The following GET1 variants were observed in gnomAD, a reference collection of about 807,000 sequenced individuals.
GET1 encodes congenital heart disease 5 protein.
In GET1, 20 loss-of-function variants were observed where a neutral mutation model predicts 22.6. That is an observed-to-expected ratio of 0.89 (90% CI 0.62 to 1.29). The LOEUF is 1.29. Among genes scored for constraint, GET1 ranks in the 50% most tolerant of loss-of-function variants. The pLI, the probability that GET1 is intolerant of heterozygous loss-of-function variation, is 0.00. For synonymous variants in GET1, 92 were observed against 83.8 expected (o/e 1.10, Z -0.53); for missense variants, 209 against 219.9 (o/e 0.95, Z 0.31).
chr21:39,411,943 A>G (rs2040155162), intron 1 of GET1: 2 of 540,062 alleles, frequency 3.7e-6, no homozygotes, highest in Admixed American at 6.8e-5. Context: ...AGGCCATATC[A>G]TCCTATACCA....
intron 1 of GET1, among the ~76,000 whole-genome samples, chr21:39,420,214 A>C (rs1189857129): frequency 6.6e-6 from 1 of 152,278 alleles, no homozygotes; most frequent in East Asian, 1.9e-4. Context: ...TATCTGAGAA[A>C]GATATTAATG....
chr21:39,406,258 G>A (rs2039055727), exon 5 of GET1: 1 of 1,614,166 alleles, frequency 6.2e-7, no homozygotes, highest in South Asian at 1.1e-5. Context: ...CATGTTGCCG[G>A]CATTGGCTGG....
chr21:39,388,827 T>C (rs779278007), intron 1 of GET1, among the ~76,000 whole-genome samples: 8 of 152,128 alleles, frequency 5.3e-5, no homozygotes, highest in Non-Finnish European at 1.0e-4. Context: ...GGCCGTTCCC[T>C]GGAGAGTGGA....
chr21:39,410,433 C>T, downstream of GET1: 1 of 833,922 alleles, frequency 1.2e-6, no homozygotes, highest in Non-Finnish European at 1.9e-6. Context: ...TGATTTTAAA[C>T]ATAAAATAAC....
chr21:39,411,184 A>C, downstream of GET1: 1 of 258,830 alleles, frequency 3.9e-6, no homozygotes, highest in Non-Finnish European at 7.7e-6. Flanking sequence ...TATTGTGACC[A>C]AAGGAAAGTC....
chr21:39,380,367 C>T lies in GET1; in HGVS notation c.-18C>T, dbSNP rs746508500. 3.1e-6 allele frequency: 5 copies of T among 1,587,670 alleles called. No individual in the cohort carries two copies. The South Asian group carries it at 4.5e-5, about 14-fold the overall frequency. ...TGGAGCTGCCGTAGCGGACCCAGCA[C>T]AGCCAGGAGCGTCCGGGATGAGCTC... On this transcript the variant is annotated 5_prime_UTR_variant, in exon 1 of 5. Coordinates refer to ENST00000649170, the MANE Select transcript of GET1 (RefSeq NM_004627.6).
At chr21:39,386,667 GT>G (rs1312415285) in intron 1 of GET1, among the ~76,000 whole-genome samples, 1 of 152,170 alleles carries the variant, frequency 6.6e-6, no homozygotes, top group Non-Finnish European at 1.5e-5. Context: ...CTAGCACGGG[GT>G]GTGCACGTTG....
At chr21:39,389,439 C>A (rs2038151872) in intron 1 of GET1, among the ~76,000 whole-genome samples, 1 of 152,182 alleles carries the variant, frequency 6.6e-6, no homozygotes, top group Non-Finnish European at 1.5e-5. Flanking sequence ...GCCACCATGC[C>A]AGGCTGAGGC....
At chr21:39,380,959 G>A in intron 1 of GET1, 1 of 992,010 alleles carries the variant, frequency 1.0e-6, no homozygotes, top group Middle Eastern at 5.2e-4. Context: ...GAGAATCTCA[G>A]TACAGCGTGA....
rs950414004 is a variant in GET1 at position 39,397,832 on chromosome 21, C to T, written c.*893C>T. 1.3e-5 allele frequency: 2 copies of T among 152,194 alleles called. No homozygotes were observed. Among genetic ancestry groups the T allele is most frequent in the African/African-American group, 4.8e-5 (2 of 41,440 alleles). 9.4% of individuals were successfully genotyped at this position (152,194 alleles called of 1,614,324 possible). On this transcript the variant is annotated 3_prime_UTR_variant, in exon 5 of 5. Transcript: ENST00000649170. ...CTTGTTTGCTGTGAGCCACCCGCAACTGACAAGTGGCTGTTAACTGAGTCA... is the reference window on the plus strand; with the variant it reads ...CTTGTTTGCTGTGAGCCACCCGCAATTGACAAGTGGCTGTTAACTGAGTCA...
downstream of GET1, among the ~76,000 whole-genome samples, chr21:39,399,771 T>C (rs906856417): frequency 7.9e-5 from 12 of 152,122 alleles, no homozygotes; most frequent in African/African-American, 2.9e-4. Flanking sequence ...ATACTGGATA[T>C]ATTTTATAGC....
chr21:39,391,982 A>G, intron 3 of GET1, 146 bp downstream of exon 3: 3 of 683,396 alleles, frequency 4.4e-6, no homozygotes, highest in South Asian at 3.4e-5. Context: ...AGCTCTAAAC[A>G]CTCTCGGTCT....
In GET1 at chr21:39,424,176, C is replaced by A. The variant is rs148573655; in HGVS notation, c.*24-4056C>A. Among the ~76,000 whole-genome samples, 647 of 152,126 alleles carry A rather than the reference C, an allele frequency of 4.3e-3. 4 individuals are homozygous for A. Among genetic ancestry groups the A allele is most frequent in the African/African-American group, 0.015 (633 of 41,504 alleles). On this transcript the variant is annotated intron_variant, in intron 1 of 1. Transcript: ENST00000478273. The stretch of plus-strand genomic sequence containing the variant: ...TACACGTGTCTGCCACTATGCCCTG[C>A]TAATTTTTGTATTTTTAGTAGAGAC...
intron 1 of GET1, among the ~76,000 whole-genome samples, chr21:39,418,861 A>C (rs2041775279): frequency 6.6e-6 from 1 of 152,104 alleles, no homozygotes; most frequent in Non-Finnish European, 1.5e-5. Flanking sequence ...AGGAAGCATA[A>C]AATTTATTTT....
chr21:39,382,946 T>G (rs1010364406), intron 1 of GET1, among the ~76,000 whole-genome samples: 6 of 152,064 alleles, frequency 3.9e-5, no homozygotes, highest in Non-Finnish European at 8.8e-5. Flanking sequence ...TTCTTTTTAT[T>G]TTTTTATTTA....
intron 1 of GET1, among the ~76,000 whole-genome samples, chr21:39,414,742 CTGTGTGTGTG>C (rs66478742): frequency 2.0e-4 from 20 of 99,234 alleles, no homozygotes; most frequent in South Asian, 8.6e-4. Context: ...CTCTCTCTCT[CTGTGTGTGTG>C]TGTGTGTGTG....
At chr21:39,388,991 A>T (rs1467015956) in intron 1 of GET1, among the ~76,000 whole-genome samples, 1 of 151,986 alleles carries the variant, frequency 6.6e-6, no homozygotes, top group East Asian at 1.9e-4. Flanking sequence ...TATCTGTGGA[A>T]ACCACAGATC....
intron 1 of GET1, among the ~76,000 whole-genome samples, chr21:39,390,027 G>A (rs986824633): frequency 6.6e-6 from 1 of 150,836 alleles, no homozygotes; most frequent in Non-Finnish European, 1.5e-5. Flanking sequence ...AGTTTGAATA[G>A]CAATTTGAAT....
At chr21:39,390,190 CAT>C (rs1284688266) in intron 1 of GET1, among the ~76,000 whole-genome samples, 1 of 152,100 alleles carries the variant, frequency 6.6e-6, no homozygotes, top group African/African-American at 2.4e-5. Context: ...TGGCCAAACC[CAT>C]GCTGGAGTCA....
Sources: gnomAD v4.1 joint callset for allele counts (sites outside exome capture counted in the v4.1 genomes callset) on GRCh38, gnomAD v4.1.1 for gene constraint, MANE v1.5 for transcripts, NCBI Gene and HGNC (gene_info 2026-07-23, HGNC 2026-07-21) for gene names.